Variants in ERBB2 observed in about 807,000 individuals in gnomAD.
ERBB2 encodes the protein receptor tyrosine-protein kinase erbB-2.
Under a neutral mutation model 149.0 loss-of-function variants are expected in ERBB2, and 61 were observed. The observed-to-expected ratio is 0.41, with a 90% confidence interval of 0.33 to 0.51. ERBB2 has a LOEUF of 0.51. ERBB2 is among the 20% of genes least tolerant of loss of function. The pLI is 0.25. For synonymous variants in ERBB2, 633 were observed against 678.8 expected (o/e 0.93, Z 1.05); for missense variants, 1,205 against 1,655.1 (o/e 0.73, Z 4.72).
At chr17:39,714,597 T>G (rs1035865203) in intron 9 of ERBB2, among the ~76,000 whole-genome samples, 1 of 152,106 alleles carries the variant, frequency 6.6e-6, no homozygotes, top group African/African-American at 2.4e-5. Flanking sequence ...TAAATGTTGG[T>G]TTTTATTATG....
rs1349048633 is a variant in ERBB2, at chr17:39,728,478, T to C, written c.*434T>C. Reference sequence around the variant, plus strand: ...GCCCCCCATGAGGAAGGAACAGCAATGGTGTCAGTATCCAGGCTTTGTACA... The same window carrying C: ...GCCCCCCATGAGGAAGGAACAGCAACGGTGTCAGTATCCAGGCTTTGTACA... On this transcript the variant is annotated 3_prime_UTR_variant, in exon 27 of 27. Transcript: ENST00000269571. 1 of 246,762 alleles carries C rather than the reference T, an allele frequency of 4.1e-6. No homozygotes were observed. 15.3% of individuals were successfully genotyped at this position (246,762 alleles called of 1,614,324 possible). A position where few individuals can be genotyped will look rare whatever the true frequency, so the allele number is the denominator to read the frequency against.
intron 2 of ERBB2, chr17:39,707,995 G>T (rs1030569904): frequency 4.3e-6 from 1 of 235,054 alleles, no homozygotes; most frequent in Non-Finnish European, 8.3e-6. Flanking sequence ...GTGAAACTCC[G>T]TCTCAAAAAA....
At chr17:39,711,655 G>C (rs1406532304) in intron 7 of ERBB2, among the ~76,000 whole-genome samples, 2 of 152,122 alleles carry the variant, frequency 1.3e-5, no homozygotes, top group Non-Finnish European at 2.9e-5. Context: ...AGACCATTTG[G>C]GTTCAAATCC....
At chr17:39,704,692 AGC>A in intron 1 of ERBB2, among the ~76,000 whole-genome samples, 1 of 152,248 alleles carries the variant, frequency 6.6e-6, no homozygotes, top group Non-Finnish European at 1.5e-5. Flanking sequence ...GGTGTTAGCC[AGC>A]AAGCCTCCAG....
intron 11 of ERBB2, 29 bp downstream of exon 11, chr17:39,715,565 G>A (rs747417191): frequency 6.2e-7 from 1 of 1,605,862 alleles, no homozygotes; most frequent in South Asian, 1.1e-5. Context: ...GGGGCCTGAT[G>A]GGGAGGAGTC....
chr17:39,699,230 C>T (rs528052719), upstream of ERBB2, among the ~76,000 whole-genome samples: 2 of 152,106 alleles, frequency 1.3e-5, no homozygotes, highest in East Asian at 1.9e-4. Context: ...GAGGCTGAGG[C>T]GGGAGGATCA....
At position 39,724,887 on chromosome 17, in the gene ERBB2, G is replaced by C. The variant is rs557172740; in HGVS notation, c.2469G>C (p.Leu823=). The C allele has an allele frequency of 6.2e-7, 1 of 1,614,220 alleles. No homozygotes were observed. Among genetic ancestry groups the C allele is most frequent in the South Asian group, 1.1e-5 (1 of 91,088 alleles). The change falls in exon 20 of 27, where the codon CTG becomes CTC. Residue 823 remains leucine, a synonymous_variant. Coordinates refer to ENST00000269571, the MANE Select transcript of ERBB2 (RefSeq NM_004448.4). Reference sequence around the variant, plus strand: ...GACGCCTGGGCTCCCAGGACCTGCTGAACTGGTGTATGCAGATTGCCAAGG... The same window carrying C: ...GACGCCTGGGCTCCCAGGACCTGCTCAACTGGTGTATGCAGATTGCCAAGG... ...NRGRLGSQDL[L]NWCMQIAKGM... is the part of the protein sequence containing the mutation.
chr17:39,727,702 G>C lies in ERBB2; in HGVS notation c.3426G>C (p.Gln1142His), dbSNP rs2143287773. ...TCSPQPEYVN[Q>H]PDVRPQPPSP... ...TTGACCTTTCAGAATATGTGAACCAGCCAGATGTTCGGCCCCAGCCCCCTT... is the reference window on the plus strand; with the variant it reads ...TTGACCTTTCAGAATATGTGAACCACCCAGATGTTCGGCCCCAGCCCCCTT... Residue 1142 changes from glutamine (Q) to histidine (H), a missense_variant, in exon 27 of 27, where the codon CAG becomes CAC. Gln to His is a conservative substitution (Grantham distance 24). Around this residue, in one of 6 missense-constraint regions of ERBB2, gnomAD observed 312 missense variants for 343.8 expected, o/e 0.91. Coordinates refer to ENST00000269571, the MANE Select transcript of ERBB2 (RefSeq NM_004448.4). This position sits in a 1 kb window ranked among gnomAD's most constrained non-coding sequence, Gnocchi z 4.3. The C allele has an allele frequency of 6.4e-7, 1 of 1,554,796 alleles. No homozygotes were observed. The highest frequency in any genetic ancestry group is 8.7e-7 in the Non-Finnish European group (1 of 1,150,934).
upstream of ERBB2, among the ~76,000 whole-genome samples, chr17:39,695,759 G>A (rs7216998): frequency 0.053 from 2,211 of 41,546 alleles, 72 homozygotes; most frequent in African/African-American, 0.16. Flanking sequence ...ACACACACAC[G>A]TCTCCTGTGC....
chr17:39,703,622 A>G (rs987915997), intron 1 of ERBB2, among the ~76,000 whole-genome samples: 2 of 152,258 alleles, frequency 1.3e-5, no homozygotes, highest in African/African-American at 2.4e-5. Flanking sequence ...ATATTCACCA[A>G]GTTGCAGGTA....
intron 16 of ERBB2, among the ~76,000 whole-genome samples, chr17:39,721,032 C>G (rs138412364): frequency 6.6e-6 from 1 of 152,306 alleles, no homozygotes; most frequent in Non-Finnish European, 1.5e-5. Context: ...ATCACAGGCT[C>G]ACTGCAGCCT....
upstream of ERBB2, chr17:39,688,097 C>A (rs897406255): frequency 1.7e-6 from 2 of 1,198,606 alleles, no homozygotes; most frequent in South Asian, 2.2e-5. Flanking sequence ...TTCCTGTGTT[C>A]TTTATTCTAC....
intron 9 of ERBB2, among the ~76,000 whole-genome samples, chr17:39,712,921 T>C (rs1247060651): frequency 6.6e-6 from 1 of 152,164 alleles, no homozygotes; most frequent in Non-Finnish European, 1.5e-5. Flanking sequence ...CCCCTTTATG[T>C]GAGGCTCTGA....
upstream of ERBB2, among the ~76,000 whole-genome samples, chr17:39,694,260 T>TATACAC (rs1353244918): frequency 8.5e-5 from 2 of 23,496 alleles, no homozygotes; most frequent in African/African-American, 2.1e-4. Flanking sequence ...TATATATATA[T>TATACAC]ATATATATGT....
chr17:39,721,553 T>A (rs1378420742), intron 16 of ERBB2, among the ~76,000 whole-genome samples: 1 of 152,142 alleles, frequency 6.6e-6, no homozygotes, highest in Non-Finnish European at 1.5e-5. Flanking sequence ...GGATTACAGG[T>A]GTGAGCCATC....
At chr17:39,704,587 A>G (rs766631446) in intron 1 of ERBB2, among the ~76,000 whole-genome samples, 13 of 151,980 alleles carry the variant, frequency 8.6e-5, no homozygotes, top group Non-Finnish European at 1.8e-4. Flanking sequence ...AAGAAAACCA[A>G]TGGGACAGGG....
At chr17:39,699,896 C>A, upstream of ERBB2, 1 of 791,596 alleles carries the variant, frequency 1.3e-6, no homozygotes, top group Non-Finnish European at 1.7e-6. Flanking sequence ...CAGGCCTGCG[C>A]GAAGAGAGGG....
chr17:39,723,699 G>T lies in ERBB2; in HGVS notation c.2208+39G>T. ...CCTGGGGTGGGCGGCCCCAGAGGAT[G>T]GGGGCGGTGCCTGGAGGGGTGTGGT... On this transcript the variant is annotated intron_variant, in intron 18 of 26. Transcript: ENST00000269571. This position sits in a 1 kb window ranked among gnomAD's most constrained non-coding sequence, Gnocchi z 6.2. The T allele has an allele frequency of 1.3e-6, 2 of 1,583,056 alleles. No homozygotes were observed. Among genetic ancestry groups the T allele is most frequent in the Non-Finnish European group, 1.7e-6 (2 of 1,164,350 alleles).
At chr17:39,704,761 A>T (rs1015698397) in intron 1 of ERBB2, among the ~76,000 whole-genome samples, 2 of 152,078 alleles carry the variant, frequency 1.3e-5, no homozygotes, top group African/African-American at 2.4e-5. Flanking sequence ...AAACACTTTA[A>T]GATTCTTAAT....
Sources: gnomAD v4.1 joint callset for allele counts (sites outside exome capture counted in the v4.1 genomes callset) on GRCh38, gnomAD v4.1.1 for gene constraint, gnomAD v4.1.1 regional missense constraint, Gnocchi (gnomAD v3.1) non-coding constraint, MANE v1.5 for transcripts, NCBI Gene and HGNC (gene_info 2026-07-23, HGNC 2026-07-21) for gene names.